The following CSMD1 variants were observed in gnomAD, a reference collection of about 807,000 sequenced individuals.
CSMD1 encodes the protein CUB and sushi domain-containing protein 1.
Under a neutral mutation model 417.5 loss-of-function variants are expected in CSMD1, and 213 were observed. The observed-to-expected ratio is 0.51, with a 90% CI of 0.46 to 0.57. The LOEUF (loss-of-function observed/expected upper bound fraction) is 0.57. Ranked by LOEUF, CSMD1 falls within the 20% of genes least tolerant of loss-of-function variation. CSMD1 has a pLI of 0.00. For synonymous variants in CSMD1, 2,862 were observed against 1,736.8 expected (o/e 1.65, Z -16.11); for missense variants, 6,923 against 4,529.7 (o/e 1.53, Z -15.17).
intron 41 of CSMD1, among the ~76,000 whole-genome samples, chr8:3,130,763 A>G (rs1024099638): frequency 1.3e-5 from 2 of 152,020 alleles, no homozygotes; most frequent in African/African-American, 4.8e-5. Context: ...CTCACAACCT[A>G]AACATCACCC....
chr8:3,860,733 T>G (rs1804643653), intron 5 of CSMD1, among the ~76,000 whole-genome samples: 1 of 152,132 alleles, frequency 6.6e-6, no homozygotes, highest in African/African-American at 2.4e-5. Flanking sequence ...AATAGCAAAG[T>G]CCACATTTTG....
At chr8:3,492,894 G>A (rs537782909) in intron 11 of CSMD1, among the ~76,000 whole-genome samples, 2 of 152,066 alleles carry the variant, frequency 1.3e-5, no homozygotes, top group South Asian at 2.1e-4. Context: ...AAGGTGTATG[G>A]CATTATTCCA....
intron 2 of CSMD1, among the ~76,000 whole-genome samples, chr8:4,525,138 A>T (rs1187517477): frequency 6.6e-6 from 1 of 152,198 alleles, no homozygotes; most frequent in Non-Finnish European, 1.5e-5. Flanking sequence ...ATCTACTCCA[A>T]CATTATTATT....
intron 1 of CSMD1, among the ~76,000 whole-genome samples, chr8:4,918,763 T>C (rs1311573659): frequency 6.6e-6 from 1 of 152,216 alleles, no homozygotes. Flanking sequence ...TATGCAGGTA[T>C]GTGCATATGG....
At chr8:4,742,045 T>G (rs867787505) in intron 1 of CSMD1, among the ~76,000 whole-genome samples, 4 of 102,818 alleles carry the variant, frequency 3.9e-5, no homozygotes, top group Admixed American at 1.2e-4. Context: ...TTTTTTTTTT[T>G]TTTGAGACGG....
At chr8:3,384,997 C>A (rs1466031312) in intron 18 of CSMD1, among the ~76,000 whole-genome samples, 3 of 91,054 alleles carry the variant, frequency 3.3e-5, no homozygotes, top group Admixed American at 3.5e-4. Context: ...AATACATATG[C>A]TATTTATATA....
At chr8:4,258,146 T>G (rs1259897870) in intron 3 of CSMD1, among the ~76,000 whole-genome samples, 1 of 150,780 alleles carries the variant, frequency 6.6e-6, no homozygotes, top group Non-Finnish European at 1.5e-5. Context: ...GGTCTCACCA[T>G]GTTGTTCAGG....
At chr8:3,114,963 A>G (rs566970699) in intron 42 of CSMD1, among the ~76,000 whole-genome samples, 6 of 152,238 alleles carry the variant, frequency 3.9e-5, no homozygotes, top group African/African-American at 1.4e-4. Flanking sequence ...CCCACTCTAC[A>G]CATACTAATG....
chr8:4,412,215 G>A (rs868758669), intron 3 of CSMD1, among the ~76,000 whole-genome samples: 3 of 152,114 alleles, frequency 2.0e-5, no homozygotes, highest in East Asian at 3.9e-4. Flanking sequence ...GTAACCCCCA[G>A]TATTGGAGGT....
At chr8:2,992,590 A>AC (rs1806495336) in intron 54 of CSMD1, among the ~76,000 whole-genome samples, 1 of 149,126 alleles carries the variant, frequency 6.7e-6, no homozygotes, top group African/African-American at 2.6e-5. Context: ...CACCTGGCTA[A>AC]TTTTTTTGTA....
chr8:4,173,627 T>G (rs1251340451), intron 3 of CSMD1, among the ~76,000 whole-genome samples: 2 of 152,110 alleles, frequency 1.3e-5, no homozygotes, highest in African/African-American at 2.4e-5. Flanking sequence ...TTTGTGGAAG[T>G]TCGGAAACAC....
rs116856993 is a variant in CSMD1, at chr8:4,832,383, G to A, written c.85+161949C>T. Among the ~76,000 whole-genome samples the A allele has an allele frequency of 4.1e-3, 623 of 152,300 alleles. 2 individuals carry two copies. The highest frequency in any genetic ancestry group is 9.7e-3 in the Admixed American group (148 of 15,296). On this transcript the variant is annotated intron_variant, in intron 1 of 69. Transcript: ENST00000635120. ...GTGGCAATGAACTTGACACATGACT[G>A]AAAGATACAGTGGACATTGACATCT...
At chr8:4,873,829 A>G (rs376248232) in intron 1 of CSMD1, among the ~76,000 whole-genome samples, 18 of 152,232 alleles carry the variant, frequency 1.2e-4, no homozygotes, top group African/African-American at 4.1e-4. Flanking sequence ...AAGTTGTTTT[A>G]TATTTTACTC....
At chr8:4,616,061 G>C (rs1585335646) in intron 2 of CSMD1, among the ~76,000 whole-genome samples, 1 of 152,108 alleles carries the variant, frequency 6.6e-6, no homozygotes, top group Non-Finnish European at 1.5e-5. Context: ...CAATAGTCTG[G>C]AGTGTTCTTA....
At chr8:4,389,034 G>A (rs903798953) in intron 3 of CSMD1, among the ~76,000 whole-genome samples, 1 of 152,188 alleles carries the variant, frequency 6.6e-6, no homozygotes, top group African/African-American at 2.4e-5. Flanking sequence ...AAGTAAGCAT[G>A]CAGTTAGTCT....
intron 2 of CSMD1, among the ~76,000 whole-genome samples, chr8:4,427,225 C>T (rs988215544): frequency 6.6e-6 from 1 of 152,136 alleles, no homozygotes; most frequent in East Asian, 1.9e-4. Flanking sequence ...CCAAGAGAGG[C>T]ACACGCCGTG....
chr8:3,394,125 C>G (rs536701389), intron 17 of CSMD1, among the ~76,000 whole-genome samples: 2 of 141,028 alleles, frequency 1.4e-5, no homozygotes, highest in Non-Finnish European at 3.1e-5. Context: ...GAATGCCTTA[C>G]GAAGCCTGCC....
Position 2,998,053 on chromosome 8 carries a change from G to T in CSMD1, c.8335C>A (p.Arg2779=). 1 of 1,613,896 alleles carries T rather than the reference G, an allele frequency of 6.2e-7. No individual in the cohort carries two copies. The highest frequency in any genetic ancestry group is 8.5e-7 in the Non-Finnish European group (1 of 1,179,854). ...LLQGVSRAQC[R]SNGQWSSPLP... is the part of the protein sequence containing the mutation. ...GGGCTACTCCACTGGCCGTTGCTCC[G>T]ACACTGGGCTCGAGACACGCCCTGC... Residue 2779 remains arginine (R), a synonymous_variant, in exon 54 of 70, where the codon CGG becomes AGG. Transcript: ENST00000635120.
intron 3 of CSMD1, among the ~76,000 whole-genome samples, chr8:4,129,947 T>C (rs1384005473): frequency 6.6e-6 from 1 of 152,200 alleles, no homozygotes; most frequent in East Asian, 1.9e-4. Context: ...AGTTCTTATA[T>C]CTTGCAAATT....
Sources: allele counts gnomAD v4.1 joint callset (sites outside exome capture counted in the v4.1 genomes callset), GRCh38; gene constraint gnomAD v4.1.1; transcripts MANE v1.5; gene names NCBI Gene and HGNC (gene_info 2026-07-23, HGNC 2026-07-21).